ARHGAP15: variants seen among roughly 807,000 people sequenced by gnomAD.
The protein encoded by ARHGAP15 is Rho GTPase activating protein 15.
A neutral mutation model predicts 63.7 loss-of-function variants in ARHGAP15; 51 were observed. The observed-to-expected ratio is 0.80, with a 90% CI of 0.64 to 1.01. ARHGAP15 has a LOEUF of 1.01. Among genes scored for constraint, ARHGAP15 ranks in the 50% least tolerant of loss-of-function variants. The pLI is 0.00. For synonymous variants in ARHGAP15, 191 were observed against 193.8 expected, an observed-to-expected ratio of 0.99 and a Z score of 0.12; for missense variants, 560 against 564.6, an observed-to-expected ratio of 0.99 and a Z score of 0.08.
intron 6 of ARHGAP15, among the ~76,000 whole-genome samples, chr2:143,390,690 C>A (rs180835928): frequency 2.6e-5 from 4 of 151,710 alleles, no homozygotes; most frequent in Admixed American, 2.6e-4. Flanking sequence ...TGCAGATCCC[C>A]CCACCGTGGA....
chr2:143,453,063 A>G (rs955910139), intron 8 of ARHGAP15, among the ~76,000 whole-genome samples: 19 of 150,232 alleles, frequency 1.3e-4, no homozygotes, highest in Non-Finnish European at 3.0e-5. Flanking sequence ...TGTAGGCAGC[A>G]TTCTAAGCAC....
Position 143,644,906 on chromosome 2 carries a change from C to T in ARHGAP15, c.1138+20639C>T, listed in dbSNP as rs76409453. On this transcript the variant is annotated intron_variant, in intron 12 of 13. Coordinates refer to ENST00000295095, the MANE Select transcript of ARHGAP15 (RefSeq NM_018460.4). ...TGAGTATGTCAATAACAACTCAGAC[C>T]CCTTCTATCTGCTATCCAAATATAG... 3.9e-5 allele frequency among the ~76,000 whole-genome samples: 6 copies of T among 151,912 alleles called. No individual in the cohort carries two copies. The East Asian group carries it at 1.2e-3, about 29-fold the overall frequency.
At chr2:143,563,356 A>C (rs1696102599) in intron 11 of ARHGAP15, among the ~76,000 whole-genome samples, 1 of 152,208 alleles carries the variant, frequency 6.6e-6, no homozygotes, top group Non-Finnish European at 1.5e-5. Context: ...TACATGATTG[A>C]ATTTTCCTTG....
At chr2:143,443,234 A>G (rs1689973246) in intron 8 of ARHGAP15, among the ~76,000 whole-genome samples, 1 of 152,190 alleles carries the variant, frequency 6.6e-6, no homozygotes, top group Non-Finnish European at 1.5e-5. Flanking sequence ...TATGAAAATA[A>G]TAAGATGAAC....
At chr2:143,272,367 A>G (rs1362191669) in intron 6 of ARHGAP15, among the ~76,000 whole-genome samples, 2 of 151,980 alleles carry the variant, frequency 1.3e-5, no homozygotes, top group Admixed American at 1.3e-4. Context: ...ACAGTGGCTC[A>G]CTCCTGTAAT....
At chr2:143,348,987 C>A (rs1685433997) in intron 6 of ARHGAP15, among the ~76,000 whole-genome samples, 1 of 151,944 alleles carries the variant, frequency 6.6e-6, no homozygotes, top group Non-Finnish European at 1.5e-5. Context: ...TGTAACTGTT[C>A]GATAAGAGAA....
chr2:143,325,662 C>T (rs1684217094), intron 6 of ARHGAP15, among the ~76,000 whole-genome samples: 1 of 152,088 alleles, frequency 6.6e-6, no homozygotes. Context: ...AAGTTAATTA[C>T]TTAGAGACAT....
At chr2:143,350,487 T>G (rs1427820103) in intron 6 of ARHGAP15, among the ~76,000 whole-genome samples, 3 of 152,046 alleles carry the variant, frequency 2.0e-5, no homozygotes, top group Non-Finnish European at 2.9e-5. Flanking sequence ...ATCCATTAGT[T>G]ATTTTATTTT....
At chr2:143,397,630 T>A (rs1207953375) in intron 6 of ARHGAP15, among the ~76,000 whole-genome samples, 1 of 152,044 alleles carries the variant, frequency 6.6e-6, no homozygotes. Context: ...TTTGCTTAAC[T>A]TTTTTCATAA....
intron 12 of ARHGAP15, among the ~76,000 whole-genome samples, chr2:143,694,455 G>A (rs562845838): frequency 1.3e-5 from 2 of 152,270 alleles, no homozygotes; most frequent in East Asian, 3.9e-4. Flanking sequence ...AAACCATTAA[G>A]ATTAGCTGGC....
chr2:143,296,948 A>T (rs1682659826), intron 6 of ARHGAP15, among the ~76,000 whole-genome samples: 1 of 151,956 alleles, frequency 6.6e-6, no homozygotes, highest in Non-Finnish European at 1.5e-5. Flanking sequence ...TTTGCTAAGG[A>T]TAATAGCCAA....
chr2:143,445,587 C>A (rs1690098464), intron 8 of ARHGAP15, among the ~76,000 whole-genome samples: 1 of 152,002 alleles, frequency 6.6e-6, no homozygotes, highest in Admixed American at 6.6e-5. Flanking sequence ...ACTCCCTGAC[C>A]CATAATTTAT....
chr2:143,734,857 G>A (rs1183324579), intron 13 of ARHGAP15, among the ~76,000 whole-genome samples: 2 of 152,150 alleles, frequency 1.3e-5, no homozygotes, highest in African/African-American at 4.8e-5. Context: ...CCTTGAAGAA[G>A]TCTTGAATTA....
intron 12 of ARHGAP15, among the ~76,000 whole-genome samples, chr2:143,667,070 G>T: frequency 6.6e-6 from 1 of 150,866 alleles, no homozygotes; most frequent in East Asian, 2.0e-4. Flanking sequence ...CCATTACTGG[G>T]TATATACCCA....
At chr2:143,570,856 A>G (rs1219179724) in intron 11 of ARHGAP15, among the ~76,000 whole-genome samples, 2 of 152,188 alleles carry the variant, frequency 1.3e-5, no homozygotes, top group Non-Finnish European at 2.9e-5. Flanking sequence ...TACAGAACAT[A>G]CCAACAGAAC....
chr2:143,336,008 T>C (rs970512953), intron 6 of ARHGAP15, among the ~76,000 whole-genome samples: 2 of 137,628 alleles, frequency 1.5e-5, no homozygotes, highest in Non-Finnish European at 3.1e-5. Context: ...TTTTGTAGTT[T>C]ATTTTTTTTG....
chr2:143,499,676 C>A (rs1299842945), intron 9 of ARHGAP15, among the ~76,000 whole-genome samples: 4 of 151,918 alleles, frequency 2.6e-5, no homozygotes, highest in African/African-American at 9.7e-5. Flanking sequence ...TGTCTATTTC[C>A]CAGGCATTTA....
chr2:143,721,915 G>A (rs552383688), intron 13 of ARHGAP15, among the ~76,000 whole-genome samples: 1 of 152,272 alleles, frequency 6.6e-6, no homozygotes, highest in South Asian at 2.1e-4. Flanking sequence ...TCGAACTCCT[G>A]AACTCAGGCA....
chr2:143,388,988 A>G (rs766179652), intron 6 of ARHGAP15, among the ~76,000 whole-genome samples: 5 of 151,824 alleles, frequency 3.3e-5, no homozygotes, highest in Non-Finnish European at 5.9e-5. Flanking sequence ...AGATAGCTTC[A>G]GTGTAGGTAG....
Sources: allele counts gnomAD v4.1 joint callset (sites outside exome capture counted in the v4.1 genomes callset), GRCh38; gene constraint gnomAD v4.1.1; transcripts MANE v1.5; gene names NCBI Gene and HGNC (gene_info 2026-07-23, HGNC 2026-07-21).